Variants in AGK observed in about 807,000 individuals in gnomAD.
The protein encoded by AGK is acylglycerol kinase, mitochondrial.
A neutral mutation model predicts 66.4 loss-of-function variants in AGK; 52 were observed. The ratio of observed to expected loss-of-function variants is 0.78; its 90% CI spans 0.63 to 0.99. The LOEUF (loss-of-function observed/expected upper bound fraction) is 0.99, where lower values mean the gene tolerates loss of function less well. Ranked by LOEUF, AGK falls within the 50% of genes least tolerant of loss-of-function variation. The pLI is 0.00. For synonymous variants in AGK, 182 were observed against 181.1 expected, an observed-to-expected ratio of 1.00 and a Z score of -0.04; for missense variants, 451 against 506.6, an observed-to-expected ratio of 0.89 and a Z score of 1.05.
Position 141,617,045 on chromosome 7 carries a change from C to T in AGK, c.518+1480C>T, listed in dbSNP as rs555670135. Among the ~76,000 whole-genome samples the T allele has an allele frequency of 2.2e-3, 339 of 152,174 alleles. 1 individual carries two copies. The highest frequency in any genetic ancestry group is 7.8e-3 in the African/African-American group (324 of 41,500). On this transcript the variant is annotated intron_variant, in intron 8 of 15. Coordinates refer to ENST00000649286, the MANE Select transcript of AGK (RefSeq NM_018238.4). ...GTCAGTTGGCCATACTTTTTATTCC[C>T]GGTTTAGAATTTCTGAGGGGCAGTA...
chr7:141,605,063 GT>G (rs1796428178), intron 5 of AGK, among the ~76,000 whole-genome samples: 1 of 151,750 alleles, frequency 6.6e-6, no homozygotes, highest in South Asian at 2.1e-4. Context: ...ACCACAAAAT[GT>G]TGTGTCTTTC....
At chr7:141,617,527 C>T (rs890467898) in intron 8 of AGK, among the ~76,000 whole-genome samples, 1 of 152,164 alleles carries the variant, frequency 6.6e-6, no homozygotes, top group African/African-American at 2.4e-5. Context: ...TTGCTTTTTG[C>T]ACTGCTGTCA....
chr7:141,633,049 C>A (rs1421900449), intron 9 of AGK, among the ~76,000 whole-genome samples: 1 of 152,216 alleles, frequency 6.6e-6, no homozygotes, highest in African/African-American at 2.4e-5. Context: ...AGTTCCTACT[C>A]TTCTCCTTGC....
At chr7:141,559,237 T>C (rs891892495) in intron 2 of AGK, among the ~76,000 whole-genome samples, 10 of 152,182 alleles carry the variant, frequency 6.6e-5, no homozygotes, top group African/African-American at 2.2e-4. Context: ...TTCTAGGAGT[T>C]TTATATTGGG....
rs570813386 is a variant in AGK at position 141,655,168 on chromosome 7, A to T, written c.*2244A>T. 6.6e-6 allele frequency: 1 copy of T among 152,354 alleles called. No individual in the cohort carries two copies. The highest frequency in any genetic ancestry group is 2.1e-4 in the South Asian group (1 of 4,826). 9.4% of individuals were successfully genotyped at this position (152,354 alleles called of 1,614,324 possible). A position where few individuals can be genotyped will look rare whatever the true frequency, so the allele number is the denominator to read the frequency against. On this transcript the variant is annotated 3_prime_UTR_variant, in exon 16 of 16. Transcript: ENST00000649286. ...ATTTTGTGGTTCTAATCATAATGGT[A>T]CATATAATTAGGGAAGGATATGGAA...
intron 8 of AGK, among the ~76,000 whole-genome samples, chr7:141,620,571 AACC>A (rs1796802765): frequency 1.5e-5 from 1 of 67,192 alleles, no homozygotes; most frequent in Non-Finnish European, 4.5e-5. Flanking sequence ...ACACACTGGA[AACC>A]ACTTTGGAAA....
At chr7:141,573,439 T>G (rs1795659369) in intron 2 of AGK, among the ~76,000 whole-genome samples, 2 of 152,202 alleles carry the variant, frequency 1.3e-5, no homozygotes, top group Admixed American at 1.3e-4. Context: ...GCCAGTATAT[T>G]TAATTTATAT....
rs1287790604 is a variant in AGK at position 141,601,254 on chromosome 7, T to A, written c.271T>A (p.Ser91Thr). ...EKNAAPILHLSGMDVTIVKTD... is the reference protein window; with the variant it reads ...EKNAAPILHLTGMDVTIVKTD... Reference sequence around the variant, plus strand: ...AAATGCTGCCCCGATTTTACATTTATCTGGCATGGATGTGACTATTGTTAA... The same window carrying A: ...AAATGCTGCCCCGATTTTACATTTAACTGGCATGGATGTGACTATTGTTAA... Residue 91 changes from serine to threonine, a missense_variant, in exon 5 of 16, where the codon TCT becomes ACT. Transcript: ENST00000649286. 18 of 1,613,058 alleles carry A rather than the reference T, an allele frequency of 1.1e-5. No individual in the cohort carries two copies. Among genetic ancestry groups the A allele is most frequent in the Non-Finnish European group, 1.5e-5 (18 of 1,179,480 alleles).
chr7:141,609,814 C>G (rs1051435547), intron 5 of AGK, among the ~76,000 whole-genome samples: 1 of 152,176 alleles, frequency 6.6e-6, no homozygotes, highest in Non-Finnish European at 1.5e-5. Context: ...CTCATTAGCA[C>G]AAACTGGCAA....
chr7:141,637,097 T>A (rs1239087020), intron 11 of AGK, 80 bp downstream of exon 11: 10 of 1,172,106 alleles, frequency 8.5e-6, no homozygotes, highest in East Asian at 2.4e-5. Flanking sequence ...TATTTTTTTT[T>A]AATTCCTTGC....
At chr7:141,599,816 T>C (rs1796304686) in intron 4 of AGK, among the ~76,000 whole-genome samples, 1 of 152,212 alleles carries the variant, frequency 6.6e-6, no homozygotes, top group African/African-American at 2.4e-5. Flanking sequence ...CTAATAATCA[T>C]TCAGAGCAGT....
intron 13 of AGK, among the ~76,000 whole-genome samples, chr7:141,648,494 G>C (rs1216188316): frequency 6.6e-6 from 1 of 152,090 alleles, no homozygotes; most frequent in African/African-American, 2.4e-5. Context: ...TTAGGCAAAG[G>C]CTTTAAGGCT....
chr7:141,640,114 A>G (rs1312233395), intron 11 of AGK, among the ~76,000 whole-genome samples: 1 of 152,170 alleles, frequency 6.6e-6, no homozygotes, highest in African/African-American at 2.4e-5. Context: ...GAACCAAGGT[A>G]TGAAAACAAA....
At chr7:141,649,423 C>A in intron 14 of AGK, 90 bp downstream of exon 14, 1 of 938,676 alleles carries the variant, frequency 1.1e-6, no homozygotes, top group South Asian at 1.5e-5. Context: ...AGACAGAAAT[C>A]CAGCCAAAGC....
At chr7:141,614,261 C>A in intron 7 of AGK, 83 bp downstream of exon 7, 1 of 1,066,652 alleles carries the variant, frequency 9.4e-7, no homozygotes, top group Non-Finnish European at 1.3e-6. Context: ...TTTTTTTTTC[C>A]ATTGTATATT....
chr7:141,646,571 C>T (rs1797418073), intron 13 of AGK, among the ~76,000 whole-genome samples: 1 of 152,162 alleles, frequency 6.6e-6, no homozygotes, highest in African/African-American at 2.4e-5. Context: ...AGCTTTAGAA[C>T]AGGGGTCAGC....
rs1797634542 is a variant in AGK, at chr7:141,654,223, A to T, written c.*1299A>T. 1 of 152,206 alleles carries T rather than the reference A, an allele frequency of 6.6e-6. No homozygotes were observed. Among genetic ancestry groups the T allele is most frequent in the South Asian group, 2.1e-4 (1 of 4,824 alleles). 9.4% of individuals were successfully genotyped at this position (152,206 alleles called of 1,614,324 possible). A position where few individuals can be genotyped will look rare whatever the true frequency, so the allele number is the denominator to read the frequency against. ...TAATTAATTATTGGTATATAATGAAAACGGTATTAATTCTTGGATGATTAA... is the reference window on the plus strand; with the variant it reads ...TAATTAATTATTGGTATATAATGAATACGGTATTAATTCTTGGATGATTAA... On this transcript the variant is annotated 3_prime_UTR_variant, in exon 16 of 16. Coordinates refer to ENST00000649286, the MANE Select transcript of AGK (RefSeq NM_018238.4).
At chr7:141,594,900 C>T (rs1796197443) in intron 3 of AGK, among the ~76,000 whole-genome samples, 1 of 152,130 alleles carries the variant, frequency 6.6e-6, no homozygotes, top group Non-Finnish European at 1.5e-5. Context: ...ATCCACTCGC[C>T]TTGGCCTCCC....
intron 2 of AGK, among the ~76,000 whole-genome samples, chr7:141,580,236 A>G (rs1206722902): frequency 6.6e-6 from 1 of 151,972 alleles, no homozygotes; most frequent in Non-Finnish European, 1.5e-5. Context: ...AGTTAAGGCA[A>G]TGAGTTCGGC....
Sources: allele counts gnomAD v4.1 joint callset (sites outside exome capture counted in the v4.1 genomes callset), GRCh38; gene constraint gnomAD v4.1.1; transcripts MANE v1.5; gene names NCBI Gene and HGNC (gene_info 2026-07-23, HGNC 2026-07-21).